CACNB2: variants seen among roughly 807,000 people sequenced by gnomAD.
CACNB2 encodes the protein calcium voltage-gated channel auxiliary subunit beta 2, also known as voltage-dependent L-type calcium channel subunit beta-2.
A neutral mutation model predicts 73.3 loss-of-function variants in CACNB2; 42 were observed. The observed-to-expected ratio is 0.57, with a 90% CI of 0.45 to 0.74. The LOEUF (loss-of-function observed/expected upper bound fraction) is 0.74. Among genes scored for constraint, CACNB2 ranks in the 30% least tolerant of loss-of-function variants. CACNB2 has a pLI of 0.00. For synonymous variants in CACNB2, 348 were observed against 310.3 expected (o/e 1.12, Z -1.28); for missense variants, 940 against 853.0 (o/e 1.10, Z -1.27).
At chr10:18,336,468 A>G (rs1189842378) in intron 2 of CACNB2, among the ~76,000 whole-genome samples, 1 of 152,150 alleles carries the variant, frequency 6.6e-6, no homozygotes, top group East Asian at 1.9e-4. Flanking sequence ...AAAGTACAAA[A>G]ATTAGCCAGG....
chr10:18,446,980 G>T (rs2046766054), intron 3 of CACNB2, among the ~76,000 whole-genome samples: 1 of 151,948 alleles, frequency 6.6e-6, no homozygotes, highest in Non-Finnish European at 1.5e-5. Context: ...GATTGGATGA[G>T]CACAGAAGGT....
chr10:18,392,568 C>G (rs1204812140), intron 2 of CACNB2, among the ~76,000 whole-genome samples: 5 of 152,094 alleles, frequency 3.3e-5, no homozygotes, highest in African/African-American at 1.2e-4. Flanking sequence ...GAGGGGAAAA[C>G]TGGACAAGAG....
chr10:18,511,729 C>T (rs146826350), intron 6 of CACNB2, among the ~76,000 whole-genome samples: 170 of 152,242 alleles, frequency 1.1e-3, no homozygotes, highest in African/African-American at 4.0e-3. Context: ...ATCCTGACTC[C>T]TGACATCAAG....
rs1157466238 is a variant in CACNB2 at position 18,310,605 on chromosome 10, CAAAAAAA to C, written c.214-91302_214-91296del. Among the ~76,000 whole-genome samples, 62 of 36,858 alleles carry C rather than the reference CAAAAAAA, an allele frequency of 1.7e-3. 1 individual carries two copies. The highest frequency in any genetic ancestry group is 2.8e-3 in the African/African-American group (22 of 7,954). 24.2% of individuals were successfully genotyped at this position (36,858 alleles called of 152,430 possible). ...GGGCAATAATAGCAAAACTCCATCT[CAAAAAAA>C]AAAAAAAAAAAAAAAAGTAAAAAAA... On this transcript the variant is annotated intron_variant, in intron 2 of 13. Coordinates refer to ENST00000324631, the MANE Select transcript of CACNB2 (RefSeq NM_201596.3).
chr10:18,301,754 T>G (rs1238342809), intron 2 of CACNB2, among the ~76,000 whole-genome samples: 1 of 151,858 alleles, frequency 6.6e-6, no homozygotes, highest in Non-Finnish European at 1.5e-5. Context: ...GTTCCAATGA[T>G]TCTCCTGCCT....
At position 18,179,904 on chromosome 10, in the gene CACNB2, C is replaced by T. The variant is rs141407490; in HGVS notation, c.213+28929C>T. 4.7e-4 allele frequency among the ~76,000 whole-genome samples: 71 copies of T among 152,148 alleles called. No individual in the cohort carries two copies. In the East Asian group the frequency reaches 0.012, roughly 26 times the overall value. On this transcript the variant is annotated intron_variant, in intron 2 of 13. Transcript: ENST00000324631. ...TTGTAGCTCACTGGTGACAGAGGGGCGTGTTATTTTTCATAGTATTCTCCT... is the reference window on the plus strand; with the variant it reads ...TTGTAGCTCACTGGTGACAGAGGGGTGTGTTATTTTTCATAGTATTCTCCT...
chr10:18,194,376 GAGACTCAAAGTTGTAA>G (rs60078506), intron 2 of CACNB2, among the ~76,000 whole-genome samples: 8,141 of 152,244 alleles, frequency 0.053, 625 homozygotes, highest in African/African-American at 0.17. Context: ...ACCTGACAAT[GAGACTCAAAGTTGTAA>G]AGACTGTAGG....
intron 3 of CACNB2, among the ~76,000 whole-genome samples, chr10:18,491,560 C>G (rs2049425618): frequency 6.6e-6 from 1 of 152,192 alleles, no homozygotes; most frequent in South Asian, 2.1e-4. Context: ...TTCGTTCCAG[C>G]CTGGGCAACA....
intron 2 of CACNB2, among the ~76,000 whole-genome samples, chr10:18,240,737 ACCCAGTC>A: frequency 6.6e-6 from 1 of 152,068 alleles, no homozygotes; most frequent in East Asian, 1.9e-4. Context: ...CCAGTCTGTC[ACCCAGTC>A]CTTTGGTCTC....
At chr10:18,209,060 C>G (rs1014206773) in intron 2 of CACNB2, among the ~76,000 whole-genome samples, 1 of 152,182 alleles carries the variant, frequency 6.6e-6, no homozygotes. Context: ...GATTAGCTGC[C>G]ATTCCACATT....
chr10:18,297,184 C>A (rs2039313971), intron 2 of CACNB2, among the ~76,000 whole-genome samples: 1 of 152,186 alleles, frequency 6.6e-6, no homozygotes, highest in Non-Finnish European at 1.5e-5. Flanking sequence ...CCATTCCAAG[C>A]ACTTCTATTC....
At chr10:18,410,376 G>GA (rs1304915135) in intron 3 of CACNB2, among the ~76,000 whole-genome samples, 1 of 151,960 alleles carries the variant, frequency 6.6e-6, no homozygotes, top group Non-Finnish European at 1.5e-5. Context: ...CTACAAAAAA[G>GA]AAAAAATATT....
At chr10:18,177,960 C>T (rs2033690707) in intron 2 of CACNB2, among the ~76,000 whole-genome samples, 2 of 152,122 alleles carry the variant, frequency 1.3e-5, no homozygotes, top group African/African-American at 2.4e-5. Flanking sequence ...ATTCAAGAGG[C>T]ATATCATATG....
At chr10:18,510,272 A>C (rs988608779) in intron 6 of CACNB2, among the ~76,000 whole-genome samples, 2 of 152,178 alleles carry the variant, frequency 1.3e-5, no homozygotes, top group Middle Eastern at 3.2e-3. Context: ...ACACCTGGGC[A>C]ACGTTGCAGC....
intron 1 of CACNB2, among the ~76,000 whole-genome samples, chr10:18,148,211 T>G (rs2031185547): frequency 6.6e-6 from 1 of 152,142 alleles, no homozygotes; most frequent in Non-Finnish European, 1.5e-5. Context: ...ATGATAGGGA[T>G]TTGCTCTAAC....
At position 18,539,432 on chromosome 10, in the gene CACNB2, ACT is replaced by A; in HGVS notation, c.1694_1695del (p.Ser565CysfsTer12). 1.2e-6 allele frequency: 2 copies of A among 1,611,586 alleles called. No individual in the cohort carries two copies. Among genetic ancestry groups the A allele is most frequent in the Middle Eastern group, 1.7e-4 (1 of 6,060 alleles). Reference sequence around the variant, plus strand: ...GACTCGGAAACCCAGGAGAGTCGAGACTCTGCCTACGTAGAGCCAAAGGAAGA... The same window carrying A: ...GACTCGGAAACCCAGGAGAGTCGAGACTGCCTACGTAGAGCCAAAGGAAGA... On this transcript the variant is annotated frameshift_variant, in exon 14 of 14. Transcript: ENST00000324631. LOFTEE classifies it high-confidence loss of function.
intron 11 of CACNB2, 113 bp downstream of exon 11, chr10:18,534,340 T>G: frequency 2.1e-6 from 2 of 947,040 alleles, no homozygotes; most frequent in South Asian, 2.7e-5. Context: ...ATAGAGAATT[T>G]GAGGAGACAT....
rs544734938 is a variant in CACNB2, at chr10:18,205,159, C to T, written c.213+54184C>T. ...CTTTCCTTTCAACATATGTTATTAACATGACAGTTATCTGTCCAGTGGTTA... is the reference window on the plus strand; with the variant it reads ...CTTTCCTTTCAACATATGTTATTAATATGACAGTTATCTGTCCAGTGGTTA... On this transcript the variant is annotated intron_variant, in intron 2 of 13. Coordinates refer to ENST00000324631, the MANE Select transcript of CACNB2 (RefSeq NM_201596.3). 3.9e-5 allele frequency among the ~76,000 whole-genome samples: 6 copies of T among 152,196 alleles called. No homozygotes were observed. In the South Asian group the frequency reaches 1.2e-3, roughly 32 times the overall value.
At position 18,243,206 on chromosome 10, in the gene CACNB2, G is replaced by T. The variant is rs529849794; in HGVS notation, c.213+92231G>T. Among the ~76,000 whole-genome samples the T allele has an allele frequency of 8.6e-5, 13 of 151,964 alleles. No individual in the cohort carries two copies. The East Asian group carries it at 1.9e-3, about 23-fold the overall frequency. On this transcript the variant is annotated intron_variant, in intron 2 of 13. Transcript: ENST00000324631. ...ATCTACAGGACTAGTAATACACAAA[G>T]TCCCTAAATTTTAACAGCATTCTAG...
Sources: allele counts gnomAD v4.1 joint callset (sites outside exome capture counted in the v4.1 genomes callset), GRCh38; gene constraint gnomAD v4.1.1; transcripts MANE v1.5; gene names NCBI Gene and HGNC (gene_info 2026-07-23, HGNC 2026-07-21).